SRGAP2B: variants seen among roughly 807,000 people sequenced by gnomAD.
SRGAP2B encodes SLIT-ROBO Rho GTPase-activating protein 2B.
A neutral mutation model predicts 22.2 loss-of-function variants in SRGAP2B; 9 were observed. The observed-to-expected ratio is 0.41, with a 90% confidence interval of 0.24 to 0.71. The LOEUF (loss-of-function observed/expected upper bound fraction) is 0.71, where lower values mean the gene tolerates loss of function less well. SRGAP2B is among the 30% of genes least tolerant of loss of function. SRGAP2B has a pLI of 0.35. For synonymous variants in SRGAP2B, 36 were observed against 87.4 expected (o/e 0.41, Z 3.28); for missense variants, 114 against 235.8 (o/e 0.48, Z 3.38).
At chr1:144,964,824 T>C (rs1179146677) in intron 3 of SRGAP2B, among the ~76,000 whole-genome samples, 1 of 150,242 alleles carries the variant, frequency 6.7e-6, no homozygotes, top group Non-Finnish European at 1.5e-5. Context: ...GAAGCTGAGG[T>C]GGGAAGATCG....
At position 144,984,374 on chromosome 1, in the gene SRGAP2B, A is replaced by AAAC. The variant is rs1208259707; in HGVS notation, c.260+10633_260+10634insGTT. Among the ~76,000 whole-genome samples, 6 of 148,376 alleles carry AAAC rather than the reference A, an allele frequency of 4.0e-5. No homozygotes were observed. The East Asian group carries it at 7.8e-4, about 19-fold the overall frequency. ...ACAACAACAACAACAACAAAAAAAAAAAAACAAAAAAGCCCCTCTCTATTT... is the reference window on the plus strand; with the variant it reads ...ACAACAACAACAACAACAAAAAAAAAAACAAAACAAAAAAGCCCCTCTCTATTT... On this transcript the variant is annotated intron_variant, in intron 3 of 9. Coordinates refer to ENST00000612199, the Ensembl canonical transcript of SRGAP2B.
chr1:144,984,371 A>AAAAC (rs1553615564), intron 3 of SRGAP2B, among the ~76,000 whole-genome samples: 2 of 143,700 alleles, frequency 1.4e-5, no homozygotes, highest in African/African-American at 2.8e-5. Flanking sequence ...ACAACAAAAA[A>AAAAC]AAAAAAACAA....
chr1:144,941,013 G>A lies in SRGAP2B; in HGVS notation c.423+14426C>T, dbSNP rs1266632216. On this transcript the variant is annotated intron_variant, in intron 4 of 9. Coordinates refer to ENST00000612199, the Ensembl canonical transcript of SRGAP2B. ...TGTAACTCTCATTTTTAAAAAAAAT[G>A]TGTATAAAAAAGATTGGAAGGAAAT... is the stretch of plus-strand genomic sequence containing the variant. 5.3e-5 allele frequency among the ~76,000 whole-genome samples: 8 copies of A among 149,622 alleles called. 1 individual carries two copies. The highest frequency in any genetic ancestry group is 1.0e-4 in the Non-Finnish European group (7 of 67,766).
intron 4 of SRGAP2B, among the ~76,000 whole-genome samples, chr1:144,920,866 A>G (rs1260407339): frequency 7.3e-5 from 11 of 150,698 alleles, no homozygotes; most frequent in Non-Finnish European, 1.5e-4. Flanking sequence ...ACTTAGTTAG[A>G]CAGGAGCTAA....
At chr1:144,928,469 G>A (rs1314049752) in intron 4 of SRGAP2B, among the ~76,000 whole-genome samples, 41 of 128,764 alleles carry the variant, frequency 3.2e-4, no homozygotes, top group Non-Finnish European at 4.7e-4. Context: ...ATGGAGTCTC[G>A]CTCTGTCGCC....
At chr1:144,920,424 A>C (rs1553348160) in intron 4 of SRGAP2B, among the ~76,000 whole-genome samples, 1 of 150,612 alleles carries the variant, frequency 6.6e-6, no homozygotes, top group Non-Finnish European at 1.5e-5. Context: ...AGATGTGTAC[A>C]AACACGCTGG....
chr1:145,080,695 C>T (rs1396779357), intron 2 of SRGAP2B, among the ~76,000 whole-genome samples: 1 of 148,508 alleles, frequency 6.7e-6, no homozygotes, highest in East Asian at 1.9e-4. Flanking sequence ...AGATAAATTA[C>T]AGGCGCCCGC....
rs1319087786 is a variant in SRGAP2B, at chr1:144,911,619, A to ATT, written c.486+3071_486+3072dup. Among the ~76,000 whole-genome samples, 17 of 135,684 alleles carry ATT rather than the reference A, an allele frequency of 1.3e-4. 1 individual carries two copies. Among genetic ancestry groups the ATT allele is most frequent in the African/African-American group, 4.0e-4 (14 of 34,618 alleles). 89.0% of individuals were successfully genotyped at this position (135,684 alleles called of 152,430 possible). ...AAATAATTCTATTCTCTGAACTGCTATTTTTTTTTTTTTTTTGAGACCGAG... is the reference window on the plus strand; with the variant it reads ...AAATAATTCTATTCTCTGAACTGCTATTTTTTTTTTTTTTTTTTGAGACCGAG... On this transcript the variant is annotated intron_variant, in intron 5 of 9. Transcript: ENST00000612199.
chr1:144,998,770 C>G (rs1670893838), intron 2 of SRGAP2B, among the ~76,000 whole-genome samples: 1 of 151,030 alleles, frequency 6.6e-6, no homozygotes, highest in South Asian at 2.1e-4. Flanking sequence ...CGTACAGCTC[C>G]AAGACAGAAC....
chr1:144,964,711 G>T (rs1667932389), intron 3 of SRGAP2B, among the ~76,000 whole-genome samples: 1 of 150,962 alleles, frequency 6.6e-6, no homozygotes, highest in Non-Finnish European at 1.5e-5. Context: ...GTAACTTTGG[G>T]CAAGTCACAA....
intron 2 of SRGAP2B, among the ~76,000 whole-genome samples, chr1:145,068,202 CAAA>C (rs75504567): frequency 1.3e-4 from 2 of 15,594 alleles, no homozygotes; most frequent in Non-Finnish European, 2.9e-4. Context: ...GACTCCGTCT[CAAA>C]AAAAAAAAAA....
intron 3 of SRGAP2B, among the ~76,000 whole-genome samples, chr1:144,970,689 T>C (rs1668445860): frequency 6.7e-6 from 1 of 148,726 alleles, no homozygotes; most frequent in Non-Finnish European, 1.5e-5. Flanking sequence ...TAGTGCTAGA[T>C]ATATTATATG....
rs1165285988 is a variant in SRGAP2B at position 144,992,495 on chromosome 1, A to T, written c.260+2513T>A. ...TTTGAATCATTTTCTAAAGCAAATG[A>T]TTCCTCCCCTAAGTCTTCATTTATC... On this transcript the variant is annotated intron_variant, in intron 3 of 9. Coordinates refer to ENST00000612199, the Ensembl canonical transcript of SRGAP2B. Among the ~76,000 whole-genome samples the T allele has an allele frequency of 4.7e-5, 7 of 147,598 alleles. 1 individual carries two copies. Among genetic ancestry groups the T allele is most frequent in the African/African-American group, 1.8e-4 (7 of 38,398 alleles).
At chr1:144,983,112 G>T (rs1669426699) in intron 3 of SRGAP2B, among the ~76,000 whole-genome samples, 2 of 148,412 alleles carry the variant, frequency 1.3e-5, no homozygotes, top group Admixed American at 6.6e-5. Context: ...GGAAGTCAGG[G>T]GTTTTCCCTC....
chr1:144,979,727 C>T (rs587602853), intron 3 of SRGAP2B, among the ~76,000 whole-genome samples: 2 of 151,090 alleles, frequency 1.3e-5, no homozygotes, highest in East Asian at 3.9e-4. Flanking sequence ...AGTCTGGGAC[C>T]TCCCCCGACT....
chr1:145,030,293 C>A (rs1403219231), intron 2 of SRGAP2B, among the ~76,000 whole-genome samples: 1 of 150,342 alleles, frequency 6.7e-6, no homozygotes, highest in African/African-American at 2.5e-5. Context: ...CATTTACACA[C>A]GTTATTCTTC....
At chr1:144,966,440 C>G (rs1553612257) in intron 3 of SRGAP2B, among the ~76,000 whole-genome samples, 2 of 147,350 alleles carry the variant, frequency 1.4e-5, no homozygotes, top group South Asian at 4.2e-4. Context: ...CAAGCAAATG[C>G]TGACCGATTT....
rs10217824 is a variant in SRGAP2B at position 145,080,974 on chromosome 1, A to G, written c.67+11861T>C. Among the ~76,000 whole-genome samples, 56 of 148,040 alleles carry G rather than the reference A, an allele frequency of 3.8e-4. 1 individual carries two copies. The highest frequency in any genetic ancestry group is 9.9e-4 in the African/African-American group (38 of 38,252). The stretch of plus-strand genomic sequence containing the variant: ...AGAATACCAAGGCATAGGGAGGTAC[A>G]GTAGGTATGTAACAGAAAGACATTT... On this transcript the variant is annotated intron_variant, in intron 2 of 9. Coordinates refer to ENST00000612199, the Ensembl canonical transcript of SRGAP2B.
intron 2 of SRGAP2B, among the ~76,000 whole-genome samples, chr1:145,001,525 CAGAG>C (rs587703912): frequency 1.3e-5 from 2 of 149,796 alleles, no homozygotes; most frequent in East Asian, 2.0e-4. Context: ...GCGCACAGAG[CAGAG>C]AGAGAGACAC....
Sources: gnomAD v4.1 joint callset for allele counts (sites outside exome capture counted in the v4.1 genomes callset) on GRCh38, gnomAD v4.1.1 for gene constraint, MANE v1.5 for transcripts, NCBI Gene and HGNC (gene_info 2026-07-23, HGNC 2026-07-21) for gene names.